PKIB: variants seen among roughly 807,000 people sequenced by gnomAD.
PKIB encodes the protein cAMP-dependent protein kinase inhibitor beta, also known as PKI-beta.
In PKIB, 2 loss-of-function variants were observed where a neutral mutation model predicts 4.5. The observed-to-expected ratio is 0.44, with a 90% CI of 0.18 to 1.39. The LOEUF (loss-of-function observed/expected upper bound fraction) is 1.39, where lower values mean the gene tolerates loss of function less well. Ranked by LOEUF, PKIB falls within the 40% of genes most tolerant of loss-of-function variation. PKIB has a pLI of 0.27. For missense variants in PKIB, 94 were observed against 92.6 expected (o/e 1.02, Z -0.06); for synonymous variants, 38 against 36.0 (o/e 1.06, Z -0.20).
chr6:122,674,699 AGG>A (rs1245483210), intron 2 of PKIB, among the ~76,000 whole-genome samples: 1 of 152,162 alleles, frequency 6.6e-6, no homozygotes, highest in Non-Finnish European at 1.5e-5. Context: ...AAACTTCCAA[AGG>A]TGGTATCATG....
At chr6:122,721,613 T>C (rs1779746581) in intron 4 of PKIB, among the ~76,000 whole-genome samples, 1 of 152,076 alleles carries the variant, frequency 6.6e-6, no homozygotes, top group African/African-American at 2.4e-5. Context: ...GAAAAGGCAG[T>C]TGATACAAAG....
chr6:122,725,083 T>C, intron 4 of PKIB, 45 bp from the exon 5 acceptor site: 1 of 1,392,628 alleles, frequency 7.2e-7, no homozygotes, highest in Non-Finnish European at 1.0e-6. Context: ...TAATACAAAA[T>C]AAATTTCAAT....
chr6:122,524,246 TTTTTC>T (rs1777031702), intron 2 of PKIB, among the ~76,000 whole-genome samples: 1 of 147,658 alleles, frequency 6.8e-6, no homozygotes, highest in African/African-American at 2.5e-5. Context: ...ATCCTCCTTC[TTTTTC>T]TTTTCCTCTT....
chr6:122,717,286 A>G (rs1237830664), intron 3 of PKIB, among the ~76,000 whole-genome samples: 2 of 152,136 alleles, frequency 1.3e-5, no homozygotes, highest in East Asian at 3.9e-4. Flanking sequence ...AGTGCTCTCT[A>G]GGGAAAAAGC....
chr6:122,715,886 C>T (rs370411462), intron 3 of PKIB, among the ~76,000 whole-genome samples: 4 of 152,146 alleles, frequency 2.6e-5, no homozygotes, highest in East Asian at 3.9e-4. Flanking sequence ...TGCCTGAGTG[C>T]TGACTTAGCA....
At chr6:122,489,319 C>T (rs973072330) in intron 2 of PKIB, among the ~76,000 whole-genome samples, 1 of 152,028 alleles carries the variant, frequency 6.6e-6, no homozygotes, top group Admixed American at 6.5e-5. Flanking sequence ...ACAGTCTCAG[C>T]TCACTTCAAC....
At chr6:122,478,572 G>A (rs546625908) in intron 2 of PKIB, 1 of 152,174 alleles carries the variant, frequency 6.6e-6, no homozygotes, top group South Asian at 2.1e-4. Context: ...ATTCCAAATG[G>A]TAGTCTTTAG....
chr6:122,686,253 A>G (rs1266881259), intron 3 of PKIB, among the ~76,000 whole-genome samples: 1 of 152,092 alleles, frequency 6.6e-6, no homozygotes, highest in Non-Finnish European at 1.5e-5. Flanking sequence ...TGATTGTACA[A>G]ATTTACATTC....
intron 3 of PKIB, among the ~76,000 whole-genome samples, chr6:122,693,020 T>C (rs1778417910): frequency 6.6e-6 from 1 of 152,232 alleles, no homozygotes; most frequent in African/African-American, 2.4e-5. Flanking sequence ...TTGCTGAGGA[T>C]AAAGGACTTG....
chr6:122,591,190 C>G (rs551446166), intron 3 of PKIB, among the ~76,000 whole-genome samples: 3 of 147,284 alleles, frequency 2.0e-5, no homozygotes, highest in East Asian at 2.1e-4. Context: ...TAATTCCTAT[C>G]TCTCGACACA....
intron 2 of PKIB, among the ~76,000 whole-genome samples, chr6:122,583,860 G>A (rs536578565): frequency 6.6e-6 from 1 of 152,210 alleles, no homozygotes; most frequent in South Asian, 2.1e-4. Flanking sequence ...CCAACTGTTA[G>A]GCTTGTCAGA....
intron 2 of PKIB, among the ~76,000 whole-genome samples, chr6:122,577,029 T>A (rs12664979): frequency 6.6e-6 from 1 of 152,182 alleles, no homozygotes; most frequent in East Asian, 1.9e-4. Flanking sequence ...ACTTACCATG[T>A]GTCAGGGACT....
At chr6:122,610,950 C>T (rs906188553) in intron 1 of PKIB, among the ~76,000 whole-genome samples, 6 of 152,224 alleles carry the variant, frequency 3.9e-5, no homozygotes, top group African/African-American at 1.4e-4. Context: ...CGAGCGGCCG[C>T]GGGGTTAGCA....
chr6:122,631,717 G>A (rs1356044099), intron 1 of PKIB, among the ~76,000 whole-genome samples: 5 of 152,150 alleles, frequency 3.3e-5, no homozygotes, highest in Non-Finnish European at 7.4e-5. Context: ...ATCACCAGCT[G>A]ATAAATAGAT....
intron 3 of PKIB, among the ~76,000 whole-genome samples, chr6:122,595,433 G>C (rs1774148982): frequency 6.6e-6 from 1 of 152,178 alleles, no homozygotes; most frequent in African/African-American, 2.4e-5. Flanking sequence ...GAGTGCCTTT[G>C]TCAGAGGCAA....
At chr6:122,593,999 A>G (rs991641472) in intron 3 of PKIB, among the ~76,000 whole-genome samples, 3 of 152,170 alleles carry the variant, frequency 2.0e-5, no homozygotes, top group African/African-American at 7.2e-5. Flanking sequence ...CTGAACCCAT[A>G]CACATCTCCT....
intron 1 of PKIB, among the ~76,000 whole-genome samples, chr6:122,616,333 A>G (rs1774987612): frequency 6.6e-6 from 1 of 152,184 alleles, no homozygotes; most frequent in Admixed American, 6.5e-5. Flanking sequence ...ACAAGTAGAA[A>G]GCAAGAGTAA....
At chr6:122,630,450 A>C (rs1167567335) in intron 1 of PKIB, among the ~76,000 whole-genome samples, 2 of 152,182 alleles carry the variant, frequency 1.3e-5, no homozygotes, top group Non-Finnish European at 2.9e-5. Flanking sequence ...AAAAAGACAA[A>C]TACTATATGA....
At chr6:122,614,439 G>A (rs1232330381) in intron 1 of PKIB, among the ~76,000 whole-genome samples, 1 of 152,186 alleles carries the variant, frequency 6.6e-6, no homozygotes, top group Non-Finnish European at 1.5e-5. Context: ...CTCCCTTCCT[G>A]CAGTCTCTGC....
Sources: allele counts gnomAD v4.1 joint callset (sites outside exome capture counted in the v4.1 genomes callset), GRCh38; gene constraint gnomAD v4.1.1; transcripts MANE v1.5; gene names NCBI Gene and HGNC (gene_info 2026-07-23, HGNC 2026-07-21).